Variants in CCDC186 observed in about 807,000 individuals in gnomAD.
The protein encoded by CCDC186 is coiled-coil domain containing 186.
A neutral mutation model predicts 113.7 loss-of-function variants in CCDC186; 49 were observed. That is an observed-to-expected ratio of 0.43 (90% CI 0.34 to 0.55). The LOEUF is 0.55. Among genes scored for constraint, CCDC186 ranks in the 20% least tolerant of loss-of-function variants. The pLI is 0.02. For synonymous variants in CCDC186, 355 were observed against 345.8 expected (o/e 1.03, Z -0.30); for missense variants, 890 against 1,011.1 (o/e 0.88, Z 1.62).
At chr10:114,143,717 T>G (rs1239706563) in intron 6 of CCDC186, among the ~76,000 whole-genome samples, 1 of 152,218 alleles carries the variant, frequency 6.6e-6, no homozygotes, top group African/African-American at 2.4e-5. Context: ...TCTACTGATT[T>G]AGAACTATTT....
At chr10:114,172,326 C>T (rs1589638171) in intron 1 of CCDC186, among the ~76,000 whole-genome samples, 2 of 152,342 alleles carry the variant, frequency 1.3e-5, no homozygotes, top group East Asian at 3.9e-4. Flanking sequence ...TTTATCTTCA[C>T]TCTGTGATGT....
intron 3 of CCDC186, 28 bp downstream of exon 3, chr10:114,157,526 A>C (rs755951171): frequency 2.3e-5 from 36 of 1,568,894 alleles, no homozygotes; most frequent in Non-Finnish European, 2.6e-5. Flanking sequence ...ATTGAAGTAT[A>C]GTCTTCGAAG....
Position 114,137,256 on chromosome 10 carries a change from TTTG to T in CCDC186, c.1253_1255del (p.Thr418del). On this transcript the variant is annotated inframe_deletion, in exon 7 of 16. Transcript: ENST00000369287. ...TGCTTCTTCCTTTGCTTGTGTTAATTTTGTTGTTGTTTCTTTGAGTTTATCTTT... is the reference window on the plus strand; with the variant it reads ...TGCTTCTTCCTTTGCTTGTGTTAATTTTGTTGTTTCTTTGAGTTTATCTTT... The T allele has an allele frequency of 6.2e-7, 1 of 1,613,766 alleles. No homozygotes were observed. The highest frequency in any genetic ancestry group is 8.5e-7 in the Non-Finnish European group (1 of 1,179,988).
intron 2 of CCDC186, among the ~76,000 whole-genome samples, chr10:114,160,673 G>C (rs2032144930): frequency 6.6e-6 from 1 of 152,026 alleles, no homozygotes. Context: ...TTTCAATAAA[G>C]CTGGGGGAAA....
intron 1 of CCDC186, among the ~76,000 whole-genome samples, chr10:114,164,745 A>G (rs1240420035): frequency 6.6e-6 from 1 of 152,244 alleles, no homozygotes; most frequent in Non-Finnish European, 1.5e-5. Flanking sequence ...AAACTAATGG[A>G]GAGATATACT....
chr10:114,164,015 A>T (rs2032252309), intron 1 of CCDC186, among the ~76,000 whole-genome samples: 1 of 150,136 alleles, frequency 6.7e-6, no homozygotes, highest in South Asian at 2.1e-4. Flanking sequence ...TGGAGCCCAT[A>T]TGCACTGCCT....
In CCDC186 at chr10:114,132,130, C is replaced by A; in HGVS notation, c.1710G>T (p.Leu570Phe). Residue 570 changes from leucine (L) to phenylalanine (F), a missense_variant, in exon 11 of 16, where the codon TTG becomes TTT. Physicochemically the swap from Leu to Phe is conservative, Grantham distance 22. Coordinates refer to ENST00000369287, the MANE Select transcript of CCDC186 (RefSeq NM_018017.4). The part of the protein sequence containing the change: ...LKEEVESLNS[L>F]INDLQKDIEG... ...CGATGTCTTTTTGTAGGTCATTAATCAAAGAATTAAGACTTTCCACTTCTT... is the reference window on the plus strand; with the variant it reads ...CGATGTCTTTTTGTAGGTCATTAATAAAAGAATTAAGACTTTCCACTTCTT... The A allele has an allele frequency of 6.2e-7, 1 of 1,612,338 alleles. No individual in the cohort carries two copies. Among genetic ancestry groups the A allele is most frequent in the Non-Finnish European group, 8.5e-7 (1 of 1,179,172 alleles).
chr10:114,164,111 TATA>T (rs1315571457), intron 1 of CCDC186, among the ~76,000 whole-genome samples: 52 of 130,160 alleles, frequency 4.0e-4, no homozygotes, highest in African/African-American at 1.4e-3. Context: ...TGTATATATA[TATA>T]TTTTTTTTTT....
rs2030890471 is a variant in CCDC186, at chr10:114,126,064, A to G, written c.2435T>C (p.Leu812Pro). The G allele has an allele frequency of 1.2e-6, 2 of 1,614,010 alleles. No homozygotes were observed. Among genetic ancestry groups the G allele is most frequent in the Non-Finnish European group, 1.7e-6 (2 of 1,179,928 alleles). ...SYILREESGT[L>P]SSEASDFNKV... ...GTTAAAATCAGATGCCTCTGAAGAA[A>G]GTGTGCCTGATTCTTCTCGTAAAAT... is the stretch of plus-strand genomic sequence containing the variant. The change falls in exon 15 of 16, where the codon CTT becomes CCT. Residue 812 changes from leucine to proline, a missense_variant. Transcript: ENST00000369287.
At chr10:114,172,694 C>T (rs1195837267) in intron 1 of CCDC186, among the ~76,000 whole-genome samples, 12 of 152,124 alleles carry the variant, frequency 7.9e-5, no homozygotes, top group Non-Finnish European at 1.5e-5. Context: ...CTTAATACTG[C>T]AAGATTCGTG....
intron 6 of CCDC186, among the ~76,000 whole-genome samples, chr10:114,141,146 C>T (rs886142774): frequency 9.9e-5 from 15 of 152,064 alleles, no homozygotes; most frequent in African/African-American, 3.4e-4. Context: ...CCTCCCACCT[C>T]AGCCTCCCCA....
At chr10:114,142,153 T>C (rs149550087) in intron 6 of CCDC186, among the ~76,000 whole-genome samples, 1 of 152,166 alleles carries the variant, frequency 6.6e-6, no homozygotes. Context: ...AATGACACTA[T>C]CACTGACAAC....
chr10:114,164,890 A>T (rs1345501772), intron 1 of CCDC186, among the ~76,000 whole-genome samples: 2 of 152,230 alleles, frequency 1.3e-5, no homozygotes, highest in African/African-American at 4.8e-5. Context: ...AATTTTGTTA[A>T]GAACAAATCA....
At position 114,124,135 on chromosome 10, in the gene CCDC186, G is replaced by C. The variant is rs535816092; in HGVS notation, c.*1008C>G. 6.6e-6 allele frequency: 1 copy of C among 152,370 alleles called. No individual in the cohort carries two copies. The highest frequency in any genetic ancestry group is 2.1e-4 in the South Asian group (1 of 4,830). 9.4% of individuals were successfully genotyped at this position (152,370 alleles called of 1,614,324 possible). ...CAAAGTGCTGGGATTACAGGCGTGA[G>C]CTACTGCACCTGGTCTACTTTATGT... On this transcript the variant is annotated 3_prime_UTR_variant, in exon 16 of 16. Transcript: ENST00000369287.
At chr10:114,157,449 C>T (rs1216758727) in intron 3 of CCDC186, 105 bp downstream of exon 3, 1 of 1,128,732 alleles carries the variant, frequency 8.9e-7, no homozygotes, top group Non-Finnish European at 1.2e-6. Flanking sequence ...ACCTTGGCCT[C>T]CCAAAGTGCT....
At chr10:114,132,834 A>G (rs1371096843) in intron 10 of CCDC186, among the ~76,000 whole-genome samples, 1 of 152,216 alleles carries the variant, frequency 6.6e-6, no homozygotes, top group Non-Finnish European at 1.5e-5. Flanking sequence ...ACAGATGTTC[A>G]ATATTGATGA....
At position 114,157,640 on chromosome 10, in the gene CCDC186, C is replaced by A; in HGVS notation, c.673G>T (p.Asp225Tyr). 6.2e-7 allele frequency: 1 copy of A among 1,606,342 alleles called. No homozygotes were observed. Residue 225 changes from aspartate to tyrosine, a missense_variant, in exon 3 of 16, where the codon GAC (aspartate) becomes TAC (tyrosine). Asp to Tyr is a radical substitution (Grantham distance 160). Transcript: ENST00000369287. ...ENKKHQELFV[D>Y]ICSEKDNLRE... ...AAATTGTCTTTTTCTGAACAAATGTCTACGAAGAGCTCCTGATGCTTCTTA... is the reference window on the plus strand; with the variant it reads ...AAATTGTCTTTTTCTGAACAAATGTATACGAAGAGCTCCTGATGCTTCTTA...
rs567583793 is a variant in CCDC186 at position 114,148,765 on chromosome 10, G to T, written c.888+2327C>A. ...TATCAGGCCATGGGAGATGTGGGTG[G>T]GGGAAATGTTATCAAGTCCCTGAAA... On this transcript the variant is annotated intron_variant, in intron 4 of 15. Transcript: ENST00000369287. Among the ~76,000 whole-genome samples, 4 of 152,250 alleles carry T rather than the reference G, an allele frequency of 2.6e-5. No homozygotes were observed. The East Asian group carries it at 7.7e-4, about 29-fold the overall frequency.
Position 114,168,834 on chromosome 10 carries a change from C to T in CCDC186, c.-62+5181G>A, listed in dbSNP as rs116332985. ...CAGTAAACTGCCTCTATCTGTGCAGCAGGCAAGAACCTGTCAGGCGATTAC... is the reference window on the plus strand; with the variant it reads ...CAGTAAACTGCCTCTATCTGTGCAGTAGGCAAGAACCTGTCAGGCGATTAC... On this transcript the variant is annotated intron_variant, in intron 1 of 15. Coordinates refer to ENST00000369287, the MANE Select transcript of CCDC186 (RefSeq NM_018017.4). 1.8e-3 allele frequency among the ~76,000 whole-genome samples: 269 copies of T among 152,322 alleles called. 2 individuals carry two copies. Among genetic ancestry groups the T allele is most frequent in the African/African-American group, 6.0e-3 (251 of 41,566 alleles).
Sources: gnomAD v4.1 joint callset for allele counts (sites outside exome capture counted in the v4.1 genomes callset) on GRCh38, gnomAD v4.1.1 for gene constraint, MANE v1.5 for transcripts, NCBI Gene and HGNC (gene_info 2026-07-23, HGNC 2026-07-21) for gene names.